The following LGALS9B variants were observed in gnomAD, a reference collection of about 807,000 sequenced individuals.
LGALS9B encodes the protein galectin-9B.
LGALS9B carries 8 observed loss-of-function variants against 35.9 expected under a neutral mutation model. The ratio of observed to expected loss-of-function variants is 0.22; its 90% confidence interval spans 0.13 to 0.40. The LOEUF is 0.40. Ranked by LOEUF, LGALS9B falls within the 10% of genes least tolerant of loss-of-function variation. The pLI is 1.00. For synonymous variants in LGALS9B, 42 were observed against 148.6 expected (o/e 0.28, Z 5.22); for missense variants, 101 against 397.9 (o/e 0.25, Z 6.35).
In LGALS9B at chr17:20,451,489, T is replaced by C; in HGVS notation, c.916A>G (p.Ser306Gly). The change falls in exon 10 of 11, where the codon AGC becomes GGC. Residue 306 changes from serine to glycine, a missense_variant. Physicochemically the swap from Ser to Gly is moderately conservative, Grantham distance 56 (BLOSUM62 0). Coordinates refer to ENST00000423676, the MANE Select transcript of LGALS9B (RefSeq NM_001367292.2). ...PRKMPFVRGQ[S>G]FSVWILCEAH... ...AGGCTGCGGCGCCTTACCGAGAAGC[T>C]CTGGCCTCGGACGAAGGGCATTTTT... 6.6e-7 allele frequency: 1 copy of C among 1,523,086 alleles called. No individual in the cohort carries two copies. The highest frequency in any genetic ancestry group is 1.1e-5 in the South Asian group (1 of 88,656). 94.3% of individuals were successfully genotyped at this position (1,523,086 alleles called of 1,614,324 possible).
At chr17:20,460,309 G>A (rs755909649) in intron 2 of LGALS9B, 43 bp downstream of exon 2, 6 of 1,610,272 alleles carry the variant, frequency 3.7e-6, no homozygotes, top group South Asian at 3.3e-5. Context: ...GCTTTACTAA[G>A]GGACGAGGCT....
At chr17:20,454,884 C>T (rs2042675872) in intron 5 of LGALS9B, among the ~76,000 whole-genome samples, 1 of 151,848 alleles carries the variant, frequency 6.6e-6, no homozygotes, top group Non-Finnish European at 1.5e-5. Flanking sequence ...ATTCGTATGC[C>T]CTGCTGGGGA....
intron 10 of LGALS9B, among the ~76,000 whole-genome samples, 159 bp from the exon 11 acceptor site, chr17:20,450,278 C>T (rs1314476509): frequency 5.2e-5 from 7 of 134,704 alleles, no homozygotes; most frequent in African/African-American, 1.8e-4. Flanking sequence ...ACAGGCTGTG[C>T]GTGCTCCTTC....
chr17:20,466,772 G>A (rs1160487227), intron 1 of LGALS9B, among the ~76,000 whole-genome samples: 1 of 143,012 alleles, frequency 7.0e-6, no homozygotes, highest in South Asian at 2.2e-4. Flanking sequence ...GAGACTGTCC[G>A]TCTACAGATG....
intron 5 of LGALS9B, among the ~76,000 whole-genome samples, chr17:20,454,404 A>G (rs1415074035): frequency 6.6e-6 from 1 of 151,014 alleles, no homozygotes; most frequent in Non-Finnish European, 1.5e-5. Context: ...CCTGGCTGGT[A>G]TCCCATTCTC....
chr17:20,461,795 T>C (rs1024971104), intron 1 of LGALS9B, among the ~76,000 whole-genome samples: 3 of 78,078 alleles, frequency 3.8e-5, no homozygotes, highest in African/African-American at 1.7e-4. Flanking sequence ...ACCTGAATTT[T>C]TTTTTTTTTT....
chr17:20,465,688 G>A (rs1404221046), intron 1 of LGALS9B, among the ~76,000 whole-genome samples: 1 of 112,482 alleles, frequency 8.9e-6, no homozygotes, highest in Non-Finnish European at 1.8e-5. Context: ...CTTCCCCCCA[G>A]CCCTCCAAAG....
At chr17:20,467,292 A>G in intron 1 of LGALS9B, 140 bp downstream of exon 1, 1 of 607,554 alleles carries the variant, frequency 1.6e-6, no homozygotes, top group South Asian at 2.0e-5. Context: ...GACGACCCCC[A>G]CTGACATTTC....
At chr17:20,464,532 A>G (rs959218448) in intron 1 of LGALS9B, among the ~76,000 whole-genome samples, 58 of 152,130 alleles carry the variant, frequency 3.8e-4, no homozygotes, top group Non-Finnish European at 1.0e-4. Context: ...TGCTCACACG[A>G]TGATTTTAAC....
At chr17:20,455,475 G>A (rs1437619154) in intron 4 of LGALS9B, 77 bp from the exon 5 acceptor site, 3 of 1,091,450 alleles carry the variant, frequency 2.7e-6, no homozygotes, top group African/African-American at 3.0e-5. Flanking sequence ...CAGATGCAGG[G>A]GCAGGAGGCA....
intron 7 of LGALS9B, 75 bp downstream of exon 7, chr17:20,452,942 G>A: frequency 8.5e-7 from 1 of 1,181,266 alleles, no homozygotes; most frequent in Non-Finnish European, 1.2e-6. Context: ...CCCAACTCTA[G>A]GGCTCTAGGG....
intron 1 of LGALS9B, among the ~76,000 whole-genome samples, chr17:20,466,076 A>C (rs2042760657): frequency 1.3e-5 from 2 of 152,016 alleles, no homozygotes; most frequent in Non-Finnish European, 2.9e-5. Context: ...CAGAACCTGG[A>C]AGAAGCTCTG....
At position 20,458,316 on chromosome 17, in the gene LGALS9B, T is replaced by C; in HGVS notation, c.200A>G (p.Glu67Gly). The C allele has an allele frequency of 6.2e-7, 1 of 1,613,700 alleles. No homozygotes were observed. Among genetic ancestry groups the C allele is most frequent in the Non-Finnish European group, 8.5e-7 (1 of 1,179,842 alleles). Residue 67 changes from glutamate to glycine, a missense_variant, in exon 3 of 11, where the codon GAA becomes GGA. Physicochemically the swap from Glu to Gly is moderately conservative, Grantham distance 98. Coordinates refer to ENST00000423676, the MANE Select transcript of LGALS9B (RefSeq NM_001367292.2). ...DIAFHFNPRFEDGGYVVCNTR... is the reference protein window; with the variant it reads ...DIAFHFNPRFGDGGYVVCNTR... ...GTTGCACACCACATACCCTCCGTCT[T>C]CAAACCGAGGGTTGAAGTGGAAGGC...
chr17:20,456,134 C>A (rs1278914755), intron 4 of LGALS9B, among the ~76,000 whole-genome samples: 1 of 152,106 alleles, frequency 6.6e-6, no homozygotes, highest in Non-Finnish European at 1.5e-5. Context: ...ATCACACAAC[C>A]ACCCATGGGG....
chr17:20,460,956 T>G, intron 1 of LGALS9B, among the ~76,000 whole-genome samples: 1 of 111,884 alleles, frequency 8.9e-6, no homozygotes, highest in African/African-American at 3.3e-5. Context: ...CACCAGAGAG[T>G]GTCAAGAAGA....
Position 20,451,858 on chromosome 17 carries a change from G to A in LGALS9B, c.698C>T (p.Pro233Leu), listed in dbSNP as rs555153130. ...AYPMPFITTI[P>L]GGLYPSKSII... ...GGACTTGGATGGGTACAGCCCTCCC[G>A]GAATGGTGGTGATGAAAGGCATCGG... Residue 233 changes from proline to leucine, a missense_variant, in exon 9 of 11, where the codon CCG becomes CTG. Coordinates refer to ENST00000423676, the MANE Select transcript of LGALS9B (RefSeq NM_001367292.2). The A allele has an allele frequency of 6.9e-5, 101 of 1,471,986 alleles. 14 individuals carry two copies. Among genetic ancestry groups the A allele is most frequent in the African/African-American group, 6.0e-4 (43 of 71,884 alleles). 91.2% of individuals were successfully genotyped at this position (1,471,986 alleles called of 1,614,324 possible).
intron 8 of LGALS9B, 24 bp from the exon 9 acceptor site, chr17:20,451,907 C>G: frequency 7.4e-7 from 1 of 1,358,598 alleles, no homozygotes; most frequent in Non-Finnish European, 1.0e-6. Context: ...GGGGACAGGT[C>G]AGCCAGTGGC....
chr17:20,460,278 C>G, intron 2 of LGALS9B, 74 bp downstream of exon 2: 1 of 1,609,734 alleles, frequency 6.2e-7, no homozygotes, highest in Non-Finnish European at 8.5e-7. Context: ...TTTGAACTAA[C>G]CGAGGCTCAC....
At chr17:20,454,563 G>C (rs1375836709) in intron 5 of LGALS9B, among the ~76,000 whole-genome samples, 1 of 147,778 alleles carries the variant, frequency 6.8e-6, no homozygotes, top group Non-Finnish European at 1.5e-5. Context: ...GGACAGACAC[G>C]CAAACAGTTA....
Sources: allele counts gnomAD v4.1 joint callset (sites outside exome capture counted in the v4.1 genomes callset), GRCh38; gene constraint gnomAD v4.1.1; transcripts MANE v1.5; gene names NCBI Gene and HGNC (gene_info 2026-07-23, HGNC 2026-07-21).